The following RPS24 variants were observed in gnomAD, a reference collection of about 807,000 sequenced individuals.
RPS24 encodes the protein small ribosomal subunit protein eS24.
For missense variants in RPS24, 100 were observed against 162.5 expected (o/e 0.62, Z 2.09); for synonymous variants, 72 against 55.6 (o/e 1.30, Z -1.31).
At chr10:78,037,062 A>T in intron 3 of RPS24, 132 bp from the exon 4 acceptor site, 2 of 1,061,288 alleles carry the variant, frequency 1.9e-6, no homozygotes, top group Non-Finnish European at 2.8e-6. Context: ...AACATGCATT[A>T]AATGTACTTG....
At position 78,037,265 on chromosome 10, in the gene RPS24, C is replaced by G; in HGVS notation, c.351C>G (p.Val117=). Residue 117 remains valine, a synonymous_variant, in exon 4 of 6, where the codon GTC becomes GTG. Transcript: ENST00000372360. The part of the protein sequence containing the change: ...RKERKNRMKK[V]RGTAKANVGA... ...AACGCAAGAACAGAATGAAGAAAGT[C>G]AGGGGGACTGCAAAGGCCAATGTTG... The G allele has an allele frequency of 6.2e-7, 1 of 1,607,446 alleles. No homozygotes were observed. Among genetic ancestry groups the G allele is most frequent in the Non-Finnish European group, 8.5e-7 (1 of 1,176,760 alleles).
intron 4 of RPS24, chr10:78,048,895 A>C (rs1326384842): frequency 6.6e-6 from 1 of 151,738 alleles, no homozygotes; most frequent in Non-Finnish European, 1.5e-5. Flanking sequence ...AAAAAAAAAA[A>C]ATTGCCCAAC....
At chr10:78,035,982 G>A (rs1459406855) in intron 3 of RPS24, 3 of 467,446 alleles carry the variant, frequency 6.4e-6, no homozygotes, top group Non-Finnish European at 1.2e-5. Context: ...TTCCAGAGGA[G>A]AAGTAAGGGG....
intron 4 of RPS24, among the ~76,000 whole-genome samples, chr10:78,046,336 T>C (rs1848042636): frequency 6.7e-6 from 1 of 148,884 alleles, no homozygotes; most frequent in Admixed American, 6.7e-5. Context: ...GCACAAATTA[T>C]CTCATTTACC....
In RPS24 at chr10:78,037,198, G is replaced by A. The variant is rs375130361; in HGVS notation, c.284G>A (p.Gly95Asp). 3 of 1,601,104 alleles carry A rather than the reference G, an allele frequency of 1.9e-6. No individual in the cohort carries two copies. Among genetic ancestry groups the A allele is most frequent in the Non-Finnish European group, 2.6e-6 (3 of 1,174,246 alleles). ...NEPKHRLARHGLYEKKKTSRK... is the reference protein window; with the variant it reads ...NEPKHRLARHDLYEKKKTSRK... ...ATGTACTCTTTTCTCATTCAGCATG[G>A]CCTGTATGAGAAGAAAAAGACCTCA... is the stretch of plus-strand genomic sequence containing the variant. Residue 95 changes from glycine to aspartate, a missense_variant, in exon 4 of 6, where the codon GGC becomes GAC. Coordinates refer to ENST00000372360, the MANE Select transcript of RPS24 (RefSeq NM_033022.4).
chr10:78,048,790 G>T (rs1848070231), intron 4 of RPS24, among the ~76,000 whole-genome samples: 1 of 148,748 alleles, frequency 6.7e-6, no homozygotes, highest in Admixed American at 6.8e-5. Flanking sequence ...CAGAAGAATC[G>T]CTTGAACCTG....
Position 78,033,866 on chromosome 10 carries a change from T to G in RPS24, c.-36T>G, listed in dbSNP as rs45533232. On this transcript the variant is annotated 5_prime_UTR_variant, in exon 1 of 6. Transcript: ENST00000372360. ...GATTGGCCGGCGAATCGTGGTTCTC[T>G]TTTCCTCCTTGGCTGTCTGAAGATA... 1,775 of 1,613,844 alleles carry G rather than the reference T, an allele frequency of 1.1e-3. 5 individuals are homozygous for G. The highest frequency in any genetic ancestry group is 1.4e-3 in the Non-Finnish European group (1,659 of 1,179,824).
chr10:78,037,161 C>G, intron 3 of RPS24, 33 bp from the exon 4 acceptor site: 1 of 1,577,226 alleles, frequency 6.3e-7, no homozygotes, highest in Non-Finnish European at 8.6e-7. Flanking sequence ...TTAATGTTTA[C>G]AAGTCACCTG....
chr10:78,044,600 T>A (rs1048908637), downstream of RPS24, among the ~76,000 whole-genome samples: 2 of 151,766 alleles, frequency 1.3e-5, no homozygotes, highest in African/African-American at 4.8e-5. Context: ...CATACATTAA[T>A]CCAACTGTCC....
At chr10:78,050,160 TC>T (rs1848084806) in intron 4 of RPS24, among the ~76,000 whole-genome samples, 1 of 13,788 alleles carries the variant, frequency 7.3e-5, no homozygotes, top group Admixed American at 8.8e-4. Flanking sequence ...AGTCTATGCC[TC>T]TCTCTCTCTC....
exon 5 of RPS24, chr10:78,055,377 T>TG: frequency 5.1e-6 from 1 of 195,346 alleles, no homozygotes; most frequent in Non-Finnish European, 1.0e-5. Context: ...TTTTTTTTTT[T>TG]GGTCTGTGTT....
At chr10:78,042,944 C>T (rs891358320), downstream of RPS24, among the ~76,000 whole-genome samples, 2 of 152,088 alleles carry the variant, frequency 1.3e-5, no homozygotes, top group Non-Finnish European at 2.9e-5. Context: ...CTCATGGAGC[C>T]GAAACAGGTG....
At chr10:78,045,179 A>AG (rs1201092545), downstream of RPS24, among the ~76,000 whole-genome samples, 3 of 151,892 alleles carry the variant, frequency 2.0e-5, no homozygotes, top group East Asian at 3.9e-4. Flanking sequence ...GTAGAGACGG[A>AG]GTTTTTCCAT....
chr10:78,038,051 A>C, intron 4 of RPS24: 1 of 1,019,850 alleles, frequency 9.8e-7, no homozygotes, highest in Non-Finnish European at 1.3e-6. Context: ...GATGCTTTGC[A>C]TGTTGGCCTT....
downstream of RPS24, among the ~76,000 whole-genome samples, chr10:78,042,636 A>G (rs1284759332): frequency 3.3e-5 from 5 of 152,208 alleles, no homozygotes; most frequent in African/African-American, 7.2e-5. Context: ...AGCTGAATCA[A>G]TATTGAGGGA....
chr10:78,048,209 TCAAA>T (rs974337863), intron 4 of RPS24, among the ~76,000 whole-genome samples: 2 of 152,226 alleles, frequency 1.3e-5, no homozygotes, highest in African/African-American at 2.4e-5. Flanking sequence ...GTGGAATCTC[TCAAA>T]CAAGATTTTT....
At chr10:78,045,835 C>T (rs1848037831) in intron 4 of RPS24, among the ~76,000 whole-genome samples, 1 of 151,724 alleles carries the variant, frequency 6.6e-6, no homozygotes, top group East Asian at 1.9e-4. Context: ...TGAAACATCT[C>T]TACTAAAAAT....
exon 5 of RPS24, chr10:78,054,540 T>A (rs1320327022): frequency 1.3e-6 from 2 of 1,538,814 alleles, no homozygotes; most frequent in South Asian, 1.2e-5. Context: ...GATGAGGGAA[T>A]TGGGGCTTGG....
downstream of RPS24, among the ~76,000 whole-genome samples, chr10:78,045,175 A>G (rs1413204779): frequency 6.6e-6 from 1 of 152,010 alleles, no homozygotes; most frequent in Non-Finnish European, 1.5e-5. Context: ...TGTAGTAGAG[A>G]CGGAGTTTTT....
Sources: allele counts gnomAD v4.1 joint callset (sites outside exome capture counted in the v4.1 genomes callset), GRCh38; gene constraint gnomAD v4.1.1; transcripts MANE v1.5; gene names NCBI Gene and HGNC (gene_info 2026-07-23, HGNC 2026-07-21).